Variants in FMNL2 observed in about 807,000 individuals in gnomAD.
FMNL2 encodes formin-like protein 2.
A neutral mutation model predicts 130.2 loss-of-function variants in FMNL2; 51 were observed. That is an observed-to-expected ratio of 0.39 (90% CI 0.31 to 0.49). The LOEUF is 0.49. Among genes scored for constraint, FMNL2 ranks in the 20% least tolerant of loss-of-function variants. FMNL2 has a pLI of 0.85. For synonymous variants in FMNL2, 465 were observed against 467.1 expected, an observed-to-expected ratio of 1.00 and a Z score of 0.06; for missense variants, 977 against 1,316.2, an observed-to-expected ratio of 0.74 and a Z score of 3.99.
Position 152,639,954 on chromosome 2 carries a change from C to T in FMNL2, c.2947-4C>T. ...CATCTTTCTGGTTCTTTTGATTTAC[C>T]CAGCAAGCAGAAGAGGAAAATGAGC... On this transcript the variant is annotated splice_polypyrimidine_tract_variant and splice_region_variant and intron_variant, in intron 23 of 25. Transcript: ENST00000288670. The T allele has an allele frequency of 6.5e-7, 1 of 1,546,228 alleles. No individual in the cohort carries two copies. Among genetic ancestry groups the T allele is most frequent in the Non-Finnish European group, 8.7e-7 (1 of 1,147,322 alleles).
chr2:152,591,962 G>T lies in FMNL2; in HGVS notation c.876+10913G>T, dbSNP rs766222700. On this transcript the variant is annotated intron_variant, in intron 9 of 25. Coordinates refer to ENST00000288670, the MANE Select transcript of FMNL2 (RefSeq NM_052905.4). ...ACTAAAAATACAAAAAATAAGCCGG[G>T]TGTGGTGGCACGTGCCTGTAGTCCC... Among the ~76,000 whole-genome samples the T allele has an allele frequency of 3.3e-5, 5 of 152,244 alleles. No individual in the cohort carries two copies. In the South Asian group the frequency reaches 6.2e-4, roughly 19 times the overall value.
intron 1 of FMNL2, among the ~76,000 whole-genome samples, chr2:152,455,804 T>A (rs751398977): frequency 6.6e-6 from 1 of 152,196 alleles, no homozygotes; most frequent in Non-Finnish European, 1.5e-5. Flanking sequence ...AACCTTGACC[T>A]CCTGGGCCCG....
At position 152,604,279 on chromosome 2, in the gene FMNL2, C is replaced by G. The variant is rs1388370138; in HGVS notation, c.877-3060C>G. ...TGGTTCTAGCCTTGGTTCTGCCACT[C>G]TCTCAACCTTTCATCAGGTTAGAGA... On this transcript the variant is annotated intron_variant, in intron 9 of 25. Coordinates refer to ENST00000288670, the MANE Select transcript of FMNL2 (RefSeq NM_052905.4). Among the ~76,000 whole-genome samples the G allele has an allele frequency of 4.0e-5, 6 of 150,474 alleles. 2 individuals carry two copies. The East Asian group carries it at 1.2e-3, about 31-fold the overall frequency.
intron 1 of FMNL2, among the ~76,000 whole-genome samples, chr2:152,509,425 T>A (rs1692363974): frequency 6.6e-6 from 1 of 151,928 alleles, no homozygotes; most frequent in African/African-American, 2.4e-5. Flanking sequence ...CTCATAACTG[T>A]TAGATGTGTA....
chr2:152,506,928 A>G (rs1692207146), intron 1 of FMNL2, among the ~76,000 whole-genome samples: 2 of 152,242 alleles, frequency 1.3e-5, no homozygotes, highest in South Asian at 4.1e-4. Flanking sequence ...CACACGTTGA[A>G]TTCAGATTGT....
intron 1 of FMNL2, among the ~76,000 whole-genome samples, chr2:152,503,050 T>G (rs1296482033): frequency 1.3e-5 from 2 of 152,148 alleles, no homozygotes; most frequent in Non-Finnish European, 2.9e-5. Flanking sequence ...CAGTCTCAGG[T>G]GCTTCTGTAT....
intron 1 of FMNL2, among the ~76,000 whole-genome samples, chr2:152,398,384 C>T (rs910131283): frequency 1.3e-5 from 2 of 152,056 alleles, no homozygotes; most frequent in South Asian, 4.2e-4. Flanking sequence ...CAAAGAGATG[C>T]GAGAATTATA....
chr2:152,406,803 T>C (rs936814311), intron 1 of FMNL2, among the ~76,000 whole-genome samples: 3 of 152,244 alleles, frequency 2.0e-5, no homozygotes, highest in African/African-American at 7.2e-5. Context: ...TCTTACTGAT[T>C]TAGAAAAGTT....
At chr2:152,546,794 T>C (rs1694665884) in intron 3 of FMNL2, among the ~76,000 whole-genome samples, 2 of 152,076 alleles carry the variant, frequency 1.3e-5, no homozygotes, top group South Asian at 4.2e-4. Context: ...GAATTTTTTG[T>C]CTCCTTTCTC....
rs1298299324 is a variant in FMNL2 at position 152,588,991 on chromosome 2, T to C, written c.876+7942T>C. On this transcript the variant is annotated intron_variant, in intron 9 of 25. Transcript: ENST00000288670. The stretch of plus-strand genomic sequence containing the variant: ...TGTTTCAGAAATCTTACCATTCATA[T>C]TTCTCATTCCTTGGGCTCCTTTCTC... 2.0e-5 allele frequency among the ~76,000 whole-genome samples: 3 copies of C among 152,038 alleles called. No individual in the cohort carries two copies. In the East Asian group the frequency reaches 5.8e-4, roughly 29 times the overall value.
intron 10 of FMNL2, among the ~76,000 whole-genome samples, chr2:152,609,694 G>A (rs1698576420): frequency 6.6e-6 from 1 of 151,654 alleles, no homozygotes; most frequent in Non-Finnish European, 1.5e-5. Context: ...AAGCTAGAGA[G>A]GTTACACATC....
intron 1 of FMNL2, among the ~76,000 whole-genome samples, chr2:152,410,818 C>G (rs1004992848): frequency 6.6e-5 from 10 of 152,186 alleles, no homozygotes; most frequent in African/African-American, 2.2e-4. Flanking sequence ...TGAGACCCCC[C>G]CTTGGGAGAG....
intron 1 of FMNL2, among the ~76,000 whole-genome samples, chr2:152,369,378 T>G (rs1683744681): frequency 6.6e-6 from 1 of 152,232 alleles, no homozygotes; most frequent in East Asian, 1.9e-4. Flanking sequence ...CATGGCTGAT[T>G]GGCAAATAAA....
At chr2:152,344,008 A>G (rs909119607) in intron 1 of FMNL2, among the ~76,000 whole-genome samples, 54 of 152,144 alleles carry the variant, frequency 3.5e-4, no homozygotes, top group Non-Finnish European at 6.3e-4. Context: ...GAAAATTAGC[A>G]GATGTGGTGG....
chr2:152,430,278 C>A (rs1687425951), intron 1 of FMNL2, among the ~76,000 whole-genome samples: 1 of 152,184 alleles, frequency 6.6e-6, no homozygotes, highest in Non-Finnish European at 1.5e-5. Context: ...GAACTTGCGA[C>A]CAGGCTATCC....
chr2:152,547,459 A>G (rs1158011812), intron 3 of FMNL2, among the ~76,000 whole-genome samples: 1 of 152,124 alleles, frequency 6.6e-6, no homozygotes, highest in Non-Finnish European at 1.5e-5. Context: ...GAAACCTGAC[A>G]TGGTCTTTTT....
intron 1 of FMNL2, among the ~76,000 whole-genome samples, chr2:152,406,353 C>T (rs1464198381): frequency 6.6e-6 from 1 of 152,046 alleles, no homozygotes; most frequent in African/African-American, 2.4e-5. Flanking sequence ...CTTGAGCAGA[C>T]ATTAGCACTC....
chr2:152,610,308 A>G (rs1580090606), intron 10 of FMNL2, among the ~76,000 whole-genome samples: 1 of 152,206 alleles, frequency 6.6e-6, no homozygotes, highest in East Asian at 1.9e-4. Flanking sequence ...TTTCACTGAG[A>G]TATAATTAAC....
At chr2:152,599,210 T>G (rs1271200267) in intron 9 of FMNL2, among the ~76,000 whole-genome samples, 1 of 152,178 alleles carries the variant, frequency 6.6e-6, no homozygotes, top group Non-Finnish European at 1.5e-5. Flanking sequence ...CTTCACCGTC[T>G]CAAGTTGACG....
Sources: allele counts gnomAD v4.1 joint callset (sites outside exome capture counted in the v4.1 genomes callset), GRCh38; gene constraint gnomAD v4.1.1; transcripts MANE v1.5; gene names NCBI Gene and HGNC (gene_info 2026-07-23, HGNC 2026-07-21).